Variants in SOX5 observed in about 807,000 individuals in gnomAD.
The protein encoded by SOX5 is transcription factor SOX-5.
Under a neutral mutation model 92.0 loss-of-function variants are expected in SOX5, and 9 were observed. The observed-to-expected ratio is 0.10, with a 90% CI of 0.06 to 0.17. The LOEUF is 0.17. Ranked by LOEUF, SOX5 falls within the 10% of genes least tolerant of loss-of-function variation. SOX5 has a pLI of 1.00. For missense variants in SOX5, 642 were observed against 944.5 expected, an observed-to-expected ratio of 0.68 and a Z score of 4.20; for synonymous variants, 344 against 336.3, an observed-to-expected ratio of 1.02 and a Z score of -0.25.
intron 4 of SOX5, among the ~76,000 whole-genome samples, chr12:24,181,305 T>C (rs571560475): frequency 2.6e-5 from 4 of 152,318 alleles, no homozygotes; most frequent in South Asian, 2.1e-4. Flanking sequence ...TCTTCTCTAC[T>C]CTCATAGGTT....
Position 23,563,917 on chromosome 12 carries a change from G to A in SOX5, c.1343-514C>T, listed in dbSNP as rs574398148. On this transcript the variant is annotated intron_variant, in intron 10 of 14. Transcript: ENST00000451604. ...CAGAAGAAATAAATCATTATTTGACGGAAGAGTATTTTCTTCCTAAAAATC... is the reference window on the plus strand; with the variant it reads ...CAGAAGAAATAAATCATTATTTGACAGAAGAGTATTTTCTTCCTAAAAATC... 5.3e-5 allele frequency among the ~76,000 whole-genome samples: 8 copies of A among 152,150 alleles called. No individual in the cohort carries two copies. In the South Asian group the frequency reaches 6.2e-4, roughly 12 times the overall value.
At chr12:24,500,676 C>T (rs1275042730) in intron 1 of SOX5, among the ~76,000 whole-genome samples, 3 of 152,172 alleles carry the variant, frequency 2.0e-5, no homozygotes, top group East Asian at 1.9e-4. Context: ...CCTTTCAAAA[C>T]GCTCCATTTC....
chr12:24,259,210 CAGAA>C (rs1405681944), intron 3 of SOX5, among the ~76,000 whole-genome samples: 2 of 152,054 alleles, frequency 1.3e-5, no homozygotes, highest in Non-Finnish European at 1.5e-5. Flanking sequence ...AAGAAAGAGA[CAGAA>C]AGAGAGCGAG....
intron 4 of SOX5, among the ~76,000 whole-genome samples, chr12:24,047,577 A>G (rs1957173015): frequency 6.6e-6 from 1 of 152,208 alleles, no homozygotes; most frequent in Non-Finnish European, 1.5e-5. Context: ...CTCCTTTATG[A>G]AGCCCTACGC....
chr12:24,411,182 G>C (rs1964004574), intron 1 of SOX5, among the ~76,000 whole-genome samples: 2 of 151,424 alleles, frequency 1.3e-5, no homozygotes, highest in Admixed American at 1.3e-4. Context: ...AATTAGTTTT[G>C]GGAGTTAGTT....
chr12:23,576,095 C>A (rs1238408262), intron 9 of SOX5, among the ~76,000 whole-genome samples: 3 of 152,116 alleles, frequency 2.0e-5, no homozygotes, highest in Non-Finnish European at 2.9e-5. Context: ...ATTTTTGTAA[C>A]CTGTAAGAAA....
intron 1 of SOX5, among the ~76,000 whole-genome samples, chr12:24,515,619 TGTATGC>T (rs1341028221): frequency 6.6e-5 from 10 of 152,248 alleles, no homozygotes; most frequent in African/African-American, 2.4e-4. Flanking sequence ...CTTATCAAAC[TGTATGC>T]TGTCTCTTCT....
At chr12:23,899,134 T>C (rs1411724848) in intron 1 of SOX5, among the ~76,000 whole-genome samples, 1 of 152,064 alleles carries the variant, frequency 6.6e-6, no homozygotes, top group Non-Finnish European at 1.5e-5. Flanking sequence ...CACAGGCCGG[T>C]TGCAGTGGCT....
At chr12:24,310,955 A>T (rs886640193) in intron 2 of SOX5, among the ~76,000 whole-genome samples, 2 of 152,114 alleles carry the variant, frequency 1.3e-5, no homozygotes, top group Non-Finnish European at 2.9e-5. Flanking sequence ...CTTTTCGGAC[A>T]TGTCAAGCTT....
intron 3 of SOX5, among the ~76,000 whole-genome samples, chr12:24,263,542 A>AAC (rs1555203032): frequency 2.5e-5 from 3 of 118,434 alleles, no homozygotes; most frequent in East Asian, 2.0e-4. Flanking sequence ...AAAAAAAAAC[A>AAC]AAAAAAAAAA....
chr12:24,454,554 C>T (rs11047456), intron 1 of SOX5, among the ~76,000 whole-genome samples: 44,183 of 151,926 alleles, frequency 0.29, 6,663 homozygotes, highest in Middle Eastern at 0.35. Context: ...CAAGTATTTA[C>T]GGGAATCGCT....
chr12:23,923,095 G>A (rs543068769), intron 1 of SOX5, among the ~76,000 whole-genome samples: 238 of 152,078 alleles, frequency 1.6e-3, no homozygotes, highest in African/African-American at 5.5e-3. Flanking sequence ...ACAGGCGCCC[G>A]CCACAACGCC....
chr12:24,176,813 C>A (rs1283302241), intron 4 of SOX5, among the ~76,000 whole-genome samples: 1 of 152,100 alleles, frequency 6.6e-6, no homozygotes, highest in Non-Finnish European at 1.5e-5. Flanking sequence ...TTTGAATTCC[C>A]CATCCCTCCT....
rs141140132 is a variant in SOX5, at chr12:24,384,308, G to A, written c.-250-15669C>T. Among the ~76,000 whole-genome samples the A allele has an allele frequency of 2.9e-4, 44 of 152,234 alleles. No homozygotes were observed. In the East Asian group the frequency reaches 3.1e-3, roughly 11 times the overall value. Reference sequence around the variant, plus strand: ...TGCCATGGCTGCTCTGATAGGAGGCGGAGCCCAGGTGGTAATGCTGGCTCA... The same window carrying A: ...TGCCATGGCTGCTCTGATAGGAGGCAGAGCCCAGGTGGTAATGCTGGCTCA... On this transcript the variant is annotated intron_variant, in intron 1 of 4. Coordinates refer to the SOX5 transcript ENST00000446891.
intron 2 of SOX5, among the ~76,000 whole-genome samples, chr12:24,291,092 TCTC>T (rs1209772464): frequency 3.3e-5 from 5 of 152,178 alleles, no homozygotes; most frequent in African/African-American, 1.2e-4. Flanking sequence ...CTGTCATTAT[TCTC>T]CTTTTATTAT....
intron 8 of SOX5, among the ~76,000 whole-genome samples, chr12:23,615,683 T>C (rs1015999272): frequency 9.1e-6 from 1 of 109,344 alleles, no homozygotes; most frequent in African/African-American, 4.2e-5. Context: ...CACGATCTCA[T>C]TCTTTTTTTA....
At chr12:23,677,021 A>G (rs969270112) in intron 6 of SOX5, among the ~76,000 whole-genome samples, 2 of 152,160 alleles carry the variant, frequency 1.3e-5, no homozygotes. Flanking sequence ...ACTATTATAA[A>G]AGTCTTATGT....
intron 7 of SOX5, among the ~76,000 whole-genome samples, chr12:23,663,805 T>A (rs777807085): frequency 9.7e-5 from 12 of 123,566 alleles, no homozygotes; most frequent in Non-Finnish European, 1.9e-4. Flanking sequence ...GAATTTATTC[T>A]TAGAATGTAA....
At chr12:24,528,609 G>A (rs115134076) in intron 1 of SOX5, among the ~76,000 whole-genome samples, 1,630 of 152,324 alleles carry the variant, frequency 0.011, 31 homozygotes, top group African/African-American at 0.036. Context: ...TCTCCACACT[G>A]TAGGTGGCCA....
Sources: gnomAD v4.1 joint callset for allele counts (sites outside exome capture counted in the v4.1 genomes callset) on GRCh38, gnomAD v4.1.1 for gene constraint, MANE v1.5 for transcripts, NCBI Gene and HGNC (gene_info 2026-07-23, HGNC 2026-07-21) for gene names.